RAI2: variants seen among roughly 807,000 people sequenced by gnomAD.
The protein encoded by RAI2 is retinoic acid-induced protein 2.
A neutral mutation model predicts 15.3 loss-of-function variants in RAI2; 5 were observed. The ratio of observed to expected loss-of-function variants is 0.33; its 90% confidence interval spans 0.17 to 0.69. The LOEUF (loss-of-function observed/expected upper bound fraction) is 0.69. RAI2 is among the 30% of genes least tolerant of loss of function. The pLI is 0.69. For missense variants in RAI2, 424 were observed against 424.7 expected (o/e 1.00, Z 0.01); for synonymous variants, 191 against 184.0 (o/e 1.04, Z -0.31).
At chrX:17,845,254 ACCACATG>A (rs1307696317) in intron 1 of RAI2, among the ~76,000 whole-genome samples, 1 of 112,529 alleles carries the variant, frequency 8.9e-6, no homozygotes, top group Non-Finnish European at 1.9e-5. Context: ...AACTATCTGA[ACCACATG>A]GCCATGGCCG....
At chrX:17,825,498 AG>A (rs1288669577) in intron 1 of RAI2, among the ~76,000 whole-genome samples, 2 of 112,516 alleles carry the variant, frequency 1.8e-5, no homozygotes, top group Non-Finnish European at 3.8e-5. Flanking sequence ...CCATTTATAA[AG>A]GGCCTAGATA....
chrX:17,844,298 G>T (rs377247432), intron 1 of RAI2, among the ~76,000 whole-genome samples: 1 of 112,754 alleles, frequency 8.9e-6, no homozygotes, highest in Admixed American at 9.3e-5. Flanking sequence ...TGTTTTAGTC[G>T]CTGTGCCTGG....
intron 1 of RAI2, among the ~76,000 whole-genome samples, chrX:17,830,891 T>G (rs2067275740): frequency 8.9e-6 from 1 of 112,340 alleles, no homozygotes; most frequent in African/African-American, 3.2e-5. Context: ...TGAGTATCTT[T>G]GTTTTAATTG....
At chrX:17,841,006 T>C (rs749448951) in intron 1 of RAI2, among the ~76,000 whole-genome samples, 114 of 112,147 alleles carry the variant, frequency 1.0e-3, no homozygotes, top group Middle Eastern at 4.7e-3. Context: ...ATGACTTTGT[T>C]TGTGAGTGTT....
At chrX:17,822,868 C>T (rs1049337346) in intron 1 of RAI2, among the ~76,000 whole-genome samples, 8 of 112,409 alleles carry the variant, frequency 7.1e-5, no homozygotes, top group Non-Finnish European at 1.1e-4. Context: ...GAAAGTGACT[C>T]AAGCTGTTGA....
intron 1 of RAI2, among the ~76,000 whole-genome samples, chrX:17,850,272 C>T (rs754694132): frequency 2.5e-4 from 28 of 112,147 alleles, no homozygotes; most frequent in South Asian, 2.2e-3. Flanking sequence ...GGGAGCAATG[C>T]AACAAATCAT....
In RAI2 at chrX:17,843,087, A is replaced by G. The variant is rs1040810528; in HGVS notation, c.-25+18011T>C. ...ACTGAATCCTGAAACTTGATTTTTC[A>G]TTAGGGCATTATGCCATTTTTCAAT... On this transcript the variant is annotated intron_variant, in intron 1 of 1. Coordinates refer to ENST00000451717, the MANE Select transcript of RAI2 (RefSeq NM_021785.6). Among the ~76,000 whole-genome samples, 3 of 112,280 alleles carry G rather than the reference A, an allele frequency of 2.7e-5. No individual in the cohort carries two copies. In the East Asian group the frequency reaches 8.4e-4, roughly 31 times the overall value.
intron 1 of RAI2, among the ~76,000 whole-genome samples, chrX:17,842,782 A>T (rs984213016): frequency 9.0e-6 from 1 of 111,671 alleles, no homozygotes; most frequent in African/African-American, 3.3e-5. Context: ...TAAATGTTTT[A>T]AAGTAAGTAT....
intron 1 of RAI2, among the ~76,000 whole-genome samples, chrX:17,828,227 G>A (rs1248092504): frequency 9.1e-6 from 1 of 110,402 alleles, no homozygotes; most frequent in African/African-American, 3.3e-5. Context: ...AAGGTGGTAA[G>A]GCCATCAAAG....
In RAI2 at chrX:17,847,515, G is replaced by T. The variant is rs184498909; in HGVS notation, c.-25+13583C>A. Among the ~76,000 whole-genome samples the T allele has an allele frequency of 2.1e-3, 242 of 113,020 alleles. 1 individual carries two copies. The highest frequency in any genetic ancestry group is 7.2e-3 in the African/African-American group (224 of 31,142). On this transcript the variant is annotated intron_variant, in intron 1 of 1. Transcript: ENST00000451717. ...ATCACTCAGAACTGGCCCTTTTGCTGCCTCTGTTTCTTCATCCCACAAATG... is the reference window on the plus strand; with the variant it reads ...ATCACTCAGAACTGGCCCTTTTGCTTCCTCTGTTTCTTCATCCCACAAATG...
chrX:17,853,093 G>A (rs1160711681), intron 1 of RAI2, among the ~76,000 whole-genome samples: 1 of 111,329 alleles, frequency 9.0e-6, no homozygotes, highest in Admixed American at 9.5e-5. Context: ...TTGAAGTCAT[G>A]CCTGGAATCA....
At chrX:17,809,541 A>G (rs763628854) in intron 1 of RAI2, among the ~76,000 whole-genome samples, 2 of 111,548 alleles carry the variant, frequency 1.8e-5, no homozygotes, top group African/African-American at 3.3e-5. Flanking sequence ...TTTTTATTTT[A>G]TAGTGTATGT....
chrX:17,805,258 C>A (rs2066964115), intron 1 of RAI2, among the ~76,000 whole-genome samples: 1 of 112,992 alleles, frequency 8.9e-6, no homozygotes, highest in African/African-American at 3.2e-5. Context: ...CCTGCAGAGG[C>A]ATGCAGGAAA....
Position 17,825,179 on chromosome X carries a change from C to T in RAI2, c.-24-23145G>A, listed in dbSNP as rs188599357. ...GTGGGGGGAAAAAAATCAAAGGAAACGATCACTCAGGAAAAATGGCCCGGT... is the reference window on the plus strand; with the variant it reads ...GTGGGGGGAAAAAAATCAAAGGAAATGATCACTCAGGAAAAATGGCCCGGT... On this transcript the variant is annotated intron_variant, in intron 1 of 1. Coordinates refer to ENST00000451717, the MANE Select transcript of RAI2 (RefSeq NM_021785.6). Among the ~76,000 whole-genome samples, 8 of 112,677 alleles carry T rather than the reference C, an allele frequency of 7.1e-5. No individual in the cohort carries two copies. The East Asian group carries it at 1.9e-3, about 27-fold the overall frequency.
chrX:17,803,554 G>T (rs1411880898), intron 1 of RAI2, among the ~76,000 whole-genome samples: 1 of 111,171 alleles, frequency 9.0e-6, no homozygotes, highest in Non-Finnish European at 1.9e-5. Context: ...GAAAAGAAAA[G>T]AAATAAGCAA....
intron 1 of RAI2, among the ~76,000 whole-genome samples, chrX:17,843,058 A>C (rs2067417409): frequency 8.9e-6 from 1 of 112,339 alleles, no homozygotes; most frequent in African/African-American, 3.2e-5. Flanking sequence ...CTGAGATATT[A>C]GGGACTGAAT....
Position 17,801,845 on chromosome X carries a change from G to C in RAI2, c.166C>G (p.Pro56Ala), listed in dbSNP as rs142266826. 7.6e-5 allele frequency: 92 copies of C among 1,208,976 alleles called. No homozygotes were observed. In the African/African-American group the frequency reaches 1.5e-3, roughly 20 times the overall value. Residue 56 changes from proline to alanine, a missense_variant, in exon 2 of 2, where the codon CCA becomes GCA. By Grantham distance (27) the Pro-to-Ala change is conservative (BLOSUM62 -1). Coordinates refer to ENST00000451717, the MANE Select transcript of RAI2 (RefSeq NM_021785.6). Reference protein sequence around the residue: ...VKKALVTVPAPSILNPPAESQ... With the variant: ...VKKALVTVPAASILNPPAESQ... ...TCGGCAGGGGGGTTCAGAATGGATG[G>C]GGCTGGCACGGTCACCAGGGCCTTC...
In RAI2 at chrX:17,801,837, A is replaced by G. The variant is rs148702549; in HGVS notation, c.174T>C (p.Ile58=). ...KALVTVPAPS[I]LNPPAESQSG... ...TCTGAGACTCGGCAGGGGGGTTCAG[A>G]ATGGATGGGGCTGGCACGGTCACCA... Residue 58 remains isoleucine, a synonymous_variant, in exon 2 of 2, where the codon ATT becomes ATC. Coordinates refer to ENST00000451717, the MANE Select transcript of RAI2 (RefSeq NM_021785.6). 92 of 1,209,003 alleles carry G rather than the reference A, an allele frequency of 7.6e-5. No homozygotes were observed. The African/African-American group carries it at 1.3e-3, about 17-fold the overall frequency.
Position 17,849,481 on chromosome X carries a change from A to C in RAI2, c.-25+11617T>G, listed in dbSNP as rs1167906028. 2.7e-5 allele frequency among the ~76,000 whole-genome samples: 3 copies of C among 112,760 alleles called. No homozygotes were observed. In the East Asian group the frequency reaches 8.3e-4, roughly 31 times the overall value. On this transcript the variant is annotated intron_variant, in intron 1 of 1. Transcript: ENST00000451717. ...ATTCCTTCTCTGTGAAATAGAGTTC[A>C]TAATACGTATACCTACCTCATATGG...
Sources: allele counts gnomAD v4.1 joint callset (sites outside exome capture counted in the v4.1 genomes callset), GRCh38; gene constraint gnomAD v4.1.1; transcripts MANE v1.5; gene names NCBI Gene and HGNC (gene_info 2026-07-23, HGNC 2026-07-21).